Variants in FAM53B observed in about 807,000 individuals in gnomAD.
FAM53B encodes protein FAM53B.
Under a neutral mutation model 32.7 loss-of-function variants are expected in FAM53B, and 12 were observed. The ratio of observed to expected loss-of-function variants is 0.37; its 90% CI spans 0.24 to 0.59. The LOEUF (loss-of-function observed/expected upper bound fraction) is 0.59, where lower values mean the gene tolerates loss of function less well. Ranked by LOEUF, FAM53B falls within the 20% of genes least tolerant of loss-of-function variation. The pLI is 0.72. For missense variants in FAM53B, 477 were observed against 577.7 expected, an observed-to-expected ratio of 0.83 and a Z score of 1.79; for synonymous variants, 234 against 228.7, an observed-to-expected ratio of 1.02 and a Z score of -0.21.
At chr10:124,708,304 T>G (rs553743872) in intron 1 of FAM53B, among the ~76,000 whole-genome samples, 1 of 152,258 alleles carries the variant, frequency 6.6e-6, no homozygotes, top group South Asian at 2.1e-4. Flanking sequence ...TGGGTGTTAC[T>G]GAAATTGCTC....
chr10:124,717,077 A>G (rs1018529820), intron 1 of FAM53B, among the ~76,000 whole-genome samples: 2 of 152,216 alleles, frequency 1.3e-5, no homozygotes, highest in East Asian at 1.9e-4. Flanking sequence ...AGACCCAAAC[A>G]AAAGGCTGTG....
intron 4 of FAM53B, among the ~76,000 whole-genome samples, chr10:124,674,207 G>A (rs530289185): frequency 1.5e-4 from 23 of 152,326 alleles, no homozygotes; most frequent in Admixed American, 7.2e-4. Flanking sequence ...ATGCGGCAGA[G>A]CACCTCAGCG....
At chr10:124,674,836 A>C (rs181018521) in intron 4 of FAM53B, among the ~76,000 whole-genome samples, 1 of 152,172 alleles carries the variant, frequency 6.6e-6, no homozygotes, top group Non-Finnish European at 1.5e-5. Context: ...GGGCCTCCCA[A>C]GCCTCTTTGC....
At chr10:124,680,067 T>C (rs1208086653) in intron 4 of FAM53B, among the ~76,000 whole-genome samples, 1 of 152,218 alleles carries the variant, frequency 6.6e-6, no homozygotes, top group Admixed American at 6.5e-5. Context: ...TTTTAACCTA[T>C]TTAAATTTTT....
At chr10:124,658,296 G>A (rs1376651330) in intron 4 of FAM53B, among the ~76,000 whole-genome samples, 2 of 152,198 alleles carry the variant, frequency 1.3e-5, no homozygotes, top group African/African-American at 4.8e-5. Flanking sequence ...GCCACCCAAG[G>A]AGGTTTCAGG....
intron 4 of FAM53B, among the ~76,000 whole-genome samples, chr10:124,664,406 T>C (rs573989350): frequency 2.0e-4 from 30 of 152,222 alleles, no homozygotes; most frequent in Admixed American, 1.8e-3. Flanking sequence ...TGCTCGCCTT[T>C]AGGAAACAGG....
At chr10:124,704,115 G>A (rs1007159389) in intron 2 of FAM53B, 1 of 152,284 alleles carries the variant, frequency 6.6e-6, no homozygotes, top group Non-Finnish European at 1.5e-5. Context: ...CTCCTCCCTC[G>A]GGACCTCCAG....
chr10:124,672,716 C>A (rs1949713846), intron 4 of FAM53B, among the ~76,000 whole-genome samples: 1 of 152,190 alleles, frequency 6.6e-6, no homozygotes, highest in Non-Finnish European at 1.5e-5. Context: ...GAAGCTTGGG[C>A]AAAGGAGTCA....
At chr10:124,719,209 C>T (rs2134094861) in intron 1 of FAM53B, among the ~76,000 whole-genome samples, 1 of 152,012 alleles carries the variant, frequency 6.6e-6, no homozygotes, top group Non-Finnish European at 1.5e-5. Flanking sequence ...GTCTTGAGCT[C>T]CTTCTTTATT....
chr10:124,704,880 C>T (rs1356650910), intron 2 of FAM53B, among the ~76,000 whole-genome samples: 2 of 152,174 alleles, frequency 1.3e-5, no homozygotes, highest in African/African-American at 4.8e-5. Flanking sequence ...TGCGAGAGAA[C>T]AGCAGGTGGA....
chr10:124,623,147 C>T lies in FAM53B; in HGVS notation c.*95G>A, dbSNP rs747664258. 375 of 1,449,932 alleles carry T rather than the reference C, an allele frequency of 2.6e-4. No individual in the cohort carries two copies. Among genetic ancestry groups the T allele is most frequent in the Non-Finnish European group, 3.2e-4 (349 of 1,084,294 alleles). 89.8% of individuals were successfully genotyped at this position (1,449,932 alleles called of 1,614,324 possible). A position where few individuals can be genotyped will look rare whatever the true frequency, so the allele number is the denominator to read the frequency against. On this transcript the variant is annotated 3_prime_UTR_variant, in exon 5 of 5. Transcript: ENST00000337318. ...ACCACTCAGGAAGCTTTCATCAGGC[C>T]CACGAGTTGGGCTCCCCTTCAAGGG...
chr10:124,726,836 AAAAG>A (rs1371368080), intron 1 of FAM53B, among the ~76,000 whole-genome samples: 1 of 152,232 alleles, frequency 6.6e-6, no homozygotes, highest in African/African-American at 2.4e-5. Context: ...AGTCTCTGTC[AAAAG>A]AAAGAGCTGA....
intron 1 of FAM53B, among the ~76,000 whole-genome samples, chr10:124,716,628 G>A (rs551843383): frequency 8.5e-5 from 13 of 152,250 alleles, no homozygotes; most frequent in Admixed American, 6.5e-5. Context: ...ATTTATCAAT[G>A]AAAAATAACT....
chr10:124,742,234 C>A (rs751814372), intron 1 of FAM53B, among the ~76,000 whole-genome samples: 2 of 152,282 alleles, frequency 1.3e-5, no homozygotes, highest in Non-Finnish European at 2.9e-5. Context: ...CAATCCTGAG[C>A]CAAACCTTCT....
At chr10:124,643,516 C>T (rs1418725312) in intron 4 of FAM53B, among the ~76,000 whole-genome samples, 2 of 152,376 alleles carry the variant, frequency 1.3e-5, no homozygotes, top group South Asian at 2.1e-4. Flanking sequence ...CGCCCGGGCC[C>T]GGCCGCCCAA....
chr10:124,675,794 G>C (rs925082301), intron 4 of FAM53B, among the ~76,000 whole-genome samples: 1 of 152,234 alleles, frequency 6.6e-6, no homozygotes, highest in Middle Eastern at 3.2e-3. Flanking sequence ...AAGAGGTCAG[G>C]GTTCCCACCT....
intron 1 of FAM53B, among the ~76,000 whole-genome samples, chr10:124,718,955 G>A (rs531778544): frequency 3.3e-5 from 5 of 152,096 alleles, no homozygotes; most frequent in African/African-American, 9.6e-5. Context: ...GGCTGAGTAG[G>A]GAGCCAGGAA....
At chr10:124,640,342 C>G (rs545641102) in intron 4 of FAM53B, among the ~76,000 whole-genome samples, 1 of 152,334 alleles carries the variant, frequency 6.6e-6, no homozygotes, top group South Asian at 2.1e-4. Flanking sequence ...TGTTCCTGAG[C>G]AGCCAAGCCT....
chr10:124,714,651 C>T (rs911985287), intron 1 of FAM53B, among the ~76,000 whole-genome samples: 2 of 145,010 alleles, frequency 1.4e-5, no homozygotes, highest in South Asian at 2.3e-4. Context: ...CCCAGCTACT[C>T]GGGAGGCTGA....
Sources: allele counts gnomAD v4.1 joint callset (sites outside exome capture counted in the v4.1 genomes callset), GRCh38; gene constraint gnomAD v4.1.1; transcripts MANE v1.5; gene names NCBI Gene and HGNC (gene_info 2026-07-23, HGNC 2026-07-21).